The following RORA variants were observed in gnomAD, a reference collection of about 807,000 sequenced individuals.
RORA encodes the protein RAR related orphan receptor A.
Under a neutral mutation model 69.5 loss-of-function variants are expected in RORA, and 7 were observed. The ratio of observed to expected loss-of-function variants is 0.10; its 90% confidence interval spans 0.06 to 0.19. The LOEUF (loss-of-function observed/expected upper bound fraction) is 0.19, where lower values mean the gene tolerates loss of function less well. Ranked by LOEUF, RORA falls within the 10% of genes least tolerant of loss-of-function variation. The probability of loss-of-function intolerance (pLI) is 1.00; values close to 1 mark genes in which losing one functional copy is unlikely to be tolerated. For synonymous variants in RORA, 261 were observed against 240.8 expected (o/e 1.08, Z -0.78); for missense variants, 457 against 663.0 (o/e 0.69, Z 3.41).
chr15:60,626,419 A>G (rs1246266854), intron 2 of RORA, among the ~76,000 whole-genome samples: 1 of 152,192 alleles, frequency 6.6e-6, no homozygotes, highest in Non-Finnish European at 1.5e-5. Context: ...TGCAAGGAAC[A>G]AAGACTCACC....
chr15:60,995,744 G>GT (rs1894513818), intron 1 of RORA, among the ~76,000 whole-genome samples: 1 of 152,198 alleles, frequency 6.6e-6, no homozygotes, highest in Non-Finnish European at 1.5e-5. Flanking sequence ...AGGCTTCTTT[G>GT]TAAGTGTTCA....
At chr15:60,676,052 G>A (rs2070548456) in intron 2 of RORA, among the ~76,000 whole-genome samples, 1 of 152,096 alleles carries the variant, frequency 6.6e-6, no homozygotes. Context: ...TTCACTGATA[G>A]TGAAACTTTT....
In RORA at chr15:60,489,966, C is replaced by T. The variant is rs1595848963; in HGVS notation, c.*7489G>A. On this transcript the variant is annotated 3_prime_UTR_variant, in exon 11 of 11. Transcript: ENST00000335670. ...CCAAGTAGCAAACATAAAGTAAATGCTAATAAGTTTCCATATAGCCATATT... is the reference window on the plus strand; with the variant it reads ...CCAAGTAGCAAACATAAAGTAAATGTTAATAAGTTTCCATATAGCCATATT... 6.6e-6 allele frequency: 1 copy of T among 152,054 alleles called. No homozygotes were observed. The highest frequency in any genetic ancestry group is 2.1e-4 in the South Asian group (1 of 4,820). The allele number at this position is 152,054 out of a possible 1,614,324, so 9.4% of individuals were successfully genotyped here.
intron 1 of RORA, among the ~76,000 whole-genome samples, chr15:61,158,796 C>T (rs1461297414): frequency 1.3e-5 from 2 of 152,220 alleles, no homozygotes; most frequent in East Asian, 3.9e-4. Flanking sequence ...TGGCTCTGTT[C>T]CTCTTCAGGA....
At chr15:60,546,191 T>C (rs1374885076) in intron 2 of RORA, 2 of 152,214 alleles carry the variant, frequency 1.3e-5, no homozygotes, top group East Asian at 3.8e-4. Context: ...GAAGGGATTA[T>C]GTAAGAAAAA....
chr15:61,120,583 C>T (rs1308886081), intron 1 of RORA, among the ~76,000 whole-genome samples: 1 of 151,494 alleles, frequency 6.6e-6, no homozygotes, highest in Non-Finnish European at 1.5e-5. Context: ...TACCTGTAGT[C>T]CCAGCTACTC....
At chr15:60,497,705 T>G in intron 10 of RORA, 86 bp from the exon 11 acceptor site, 1 of 1,098,100 alleles carries the variant, frequency 9.1e-7, no homozygotes, top group Non-Finnish European at 1.4e-6. Flanking sequence ...TTTATGACAT[T>G]GTTTATAATG....
At chr15:61,066,217 T>C (rs1010661926) in intron 1 of RORA, among the ~76,000 whole-genome samples, 4 of 152,164 alleles carry the variant, frequency 2.6e-5, no homozygotes, top group African/African-American at 9.7e-5. Flanking sequence ...TCCATGGTGG[T>C]AGACAGGCAT....
intron 5 of RORA, among the ~76,000 whole-genome samples, chr15:60,509,821 C>T (rs1320010897): frequency 1.3e-5 from 2 of 151,158 alleles, no homozygotes; most frequent in African/African-American, 4.9e-5. Flanking sequence ...AAACCTACCT[C>T]TGCTCAGCTT....
rs981491653 is a variant in RORA at position 60,494,555 on chromosome 15, C to T, written c.*2900G>A. 6.6e-5 allele frequency: 10 copies of T among 151,438 alleles called. No homozygotes were observed. The highest frequency in any genetic ancestry group is 1.2e-4 in the Non-Finnish European group (8 of 67,842). 9.4% of individuals were successfully genotyped at this position (151,438 alleles called of 1,614,324 possible). A position where few individuals can be genotyped will look rare whatever the true frequency, so the allele number is the denominator to read the frequency against. On this transcript the variant is annotated 3_prime_UTR_variant, in exon 11 of 11. Coordinates refer to ENST00000335670, the MANE Select transcript of RORA (RefSeq NM_134261.3). ...GAAGAAAGGAAAATGCAAAGTTTTT[C>T]ACATCCTTTTCTGAGCTCCATATTT...
chr15:60,973,458 C>G (rs1259364090), intron 1 of RORA, among the ~76,000 whole-genome samples: 1 of 152,164 alleles, frequency 6.6e-6, no homozygotes, highest in Non-Finnish European at 1.5e-5. Context: ...TTATGAGGGT[C>G]GGGCAGGGTG....
intron 1 of RORA, among the ~76,000 whole-genome samples, chr15:61,122,921 T>C (rs1205649324): frequency 6.6e-6 from 1 of 152,200 alleles, no homozygotes. Context: ...CTGAGAAAAT[T>C]GAGACAAAAG....
At chr15:60,798,013 C>T (rs577318696) in intron 1 of RORA, among the ~76,000 whole-genome samples, 40 of 152,184 alleles carry the variant, frequency 2.6e-4, no homozygotes, top group Admixed American at 5.2e-4. Flanking sequence ...CAAGACCAGC[C>T]CCAACCCACC....
chr15:60,556,674 T>G (rs2067368913), intron 2 of RORA, among the ~76,000 whole-genome samples: 1 of 152,160 alleles, frequency 6.6e-6, no homozygotes, highest in Non-Finnish European at 1.5e-5. Context: ...ATAACCCTGT[T>G]TCATGAGTCT....
chr15:60,649,903 A>AT (rs1414039382), intron 2 of RORA, among the ~76,000 whole-genome samples: 1 of 152,164 alleles, frequency 6.6e-6, no homozygotes, highest in African/African-American at 2.4e-5. Flanking sequence ...TTGCACAGTC[A>AT]TTTACCTTGA....
rs189358599 is a variant in RORA at position 61,081,815 on chromosome 15, A to C, written c.166+147238T>G. Among the ~76,000 whole-genome samples the C allele has an allele frequency of 4.5e-3, 688 of 151,986 alleles. 6 individuals carry two copies. The highest frequency in any genetic ancestry group is 0.016 in the African/African-American group (664 of 41,466). ...AGAGCAAGACTCTGTCTCAAAAAAA[A>C]AAAAAAAAGAAAGAAAGAAAGCTAA... On this transcript the variant is annotated intron_variant, in intron 1 of 10. Coordinates refer to ENST00000335670, the MANE Select transcript of RORA (RefSeq NM_134261.3).
intron 3 of RORA, among the ~76,000 whole-genome samples, chr15:60,519,157 G>A (rs752499641): frequency 6.6e-6 from 1 of 152,084 alleles, no homozygotes; most frequent in African/African-American, 2.4e-5. Flanking sequence ...TGAGGCTAAG[G>A]GGGGACTACT....
At chr15:60,585,572 C>A (rs1341207174) in intron 2 of RORA, among the ~76,000 whole-genome samples, 1 of 152,054 alleles carries the variant, frequency 6.6e-6, no homozygotes, top group African/African-American at 2.4e-5. Flanking sequence ...GAATTTAGCT[C>A]ATCAAATGAC....
intron 2 of RORA, among the ~76,000 whole-genome samples, chr15:60,631,693 A>C (rs1214693071): frequency 6.6e-6 from 1 of 152,214 alleles, no homozygotes; most frequent in Non-Finnish European, 1.5e-5. Flanking sequence ...ACAAGAAACA[A>C]AGAATATGTG....
Sources: gnomAD v4.1 joint callset for allele counts (sites outside exome capture counted in the v4.1 genomes callset) on GRCh38, gnomAD v4.1.1 for gene constraint, MANE v1.5 for transcripts, NCBI Gene and HGNC (gene_info 2026-07-23, HGNC 2026-07-21) for gene names.